Variants in YAE1 observed in about 807,000 individuals in gnomAD.
The protein encoded by YAE1 is YAE1 maturation factor of ABCE1.
A neutral mutation model predicts 23.0 loss-of-function variants in YAE1; 22 were observed. That is an observed-to-expected ratio of 0.96 (90% CI 0.68 to 1.37). The LOEUF (loss-of-function observed/expected upper bound fraction) is 1.37, where lower values mean the gene tolerates loss of function less well. YAE1 is among the 40% of genes most tolerant of loss of function. The pLI, the probability that YAE1 is intolerant of heterozygous loss-of-function variation, is 0.00. For missense variants in YAE1, 260 were observed against 262.1 expected (o/e 0.99, Z 0.06); for synonymous variants, 101 against 97.0 (o/e 1.04, Z -0.24).
rs56303591 is a variant in YAE1, at chr7:39,593,177, C to CTTTTTTTTTTTTTTTTTTT, written c.252-16433_252-16415dup. ...CTCTATAATTTCCATTTGGTTATTTCTTTTTTTTTTTTTTTTTTTTTTTTT... is the reference window on the plus strand; with the variant it reads ...CTCTATAATTTCCATTTGGTTATTTCTTTTTTTTTTTTTTTTTTTTTTTTTTTTTTTTTTTTTTTTTTTT... On this transcript the variant is annotated intron_variant, in intron 2 of 2. Coordinates refer to the YAE1 transcript ENST00000432096. Among the ~76,000 whole-genome samples the CTTTTTTTTTTTTTTTTTTT allele has an allele frequency of 3.2e-4, 23 of 72,112 alleles. 3 individuals are homozygous for CTTTTTTTTTTTTTTTTTTT. Among genetic ancestry groups the CTTTTTTTTTTTTTTTTTTT allele is most frequent in the South Asian group, 2.8e-3 (4 of 1,454 alleles). The allele number at this position is 72,112 out of a possible 152,430, so 47.3% of individuals were successfully genotyped here.
rs1790986047 is a variant in YAE1, at chr7:39,597,098, C to T, written c.252-12519C>T. ...CAGATTAGAAATACAAGGCTTGTCC[C>T]TTAAAGGAAATCATTTTTGAACTGT... is the stretch of plus-strand genomic sequence containing the variant. On this transcript the variant is annotated intron_variant, in intron 2 of 2. Transcript: ENST00000432096. Among the ~76,000 whole-genome samples the T allele has an allele frequency of 2.0e-5, 3 of 152,310 alleles. No homozygotes were observed. The South Asian group carries it at 6.2e-4, about 32-fold the overall frequency.
downstream of YAE1, among the ~76,000 whole-genome samples, chr7:39,576,941 C>T (rs1489939685): frequency 6.6e-6 from 1 of 152,214 alleles, no homozygotes; most frequent in African/African-American, 2.4e-5. Context: ...GTTGCCCAAG[C>T]TGGAGTGCAA....
At chr7:39,590,771 T>G (rs955557732) in intron 2 of YAE1, among the ~76,000 whole-genome samples, 2 of 152,196 alleles carry the variant, frequency 1.3e-5, no homozygotes, top group African/African-American at 2.4e-5. Flanking sequence ...ACTGAAAAGC[T>G]TTCAGATTTT....
chr7:39,594,295 C>T (rs1790946108), intron 2 of YAE1, among the ~76,000 whole-genome samples: 1 of 152,214 alleles, frequency 6.6e-6, no homozygotes, highest in Admixed American at 6.5e-5. Context: ...TTCTCCCTCA[C>T]ATTCCAGCTG....
chr7:39,585,470 G>A (rs527533376), intron 2 of YAE1, among the ~76,000 whole-genome samples: 47 of 152,238 alleles, frequency 3.1e-4, no homozygotes, highest in Non-Finnish European at 4.7e-4. Flanking sequence ...GCAAGCCAAG[G>A]AGAGGGGCCT....
rs563762360 is a variant in YAE1 at position 39,585,491 on chromosome 7, C to A, written c.251+14864C>A. Reference sequence around the variant, plus strand: ...CAAGGAGAGGGGCCTCAGAAAAAAACAAACCAGCTGACACCTTGATCTTGG... The same window carrying A: ...CAAGGAGAGGGGCCTCAGAAAAAAAAAAACCAGCTGACACCTTGATCTTGG... On this transcript the variant is annotated intron_variant, in intron 2 of 2. Transcript: ENST00000432096. 6.6e-5 allele frequency among the ~76,000 whole-genome samples: 10 copies of A among 152,242 alleles called. No homozygotes were observed. The South Asian group carries it at 1.9e-3, about 28-fold the overall frequency.
chr7:39,598,797 A>AG (rs1554292882), intron 2 of YAE1, among the ~76,000 whole-genome samples: 6 of 148,430 alleles, frequency 4.0e-5, no homozygotes, highest in Admixed American at 2.0e-4. Flanking sequence ...AAAAAAAAAA[A>AG]AAGAAGAAGA....
chr7:39,588,774 T>A (rs1475002909), intron 2 of YAE1, among the ~76,000 whole-genome samples: 1 of 152,134 alleles, frequency 6.6e-6, no homozygotes, highest in Non-Finnish European at 1.5e-5. Flanking sequence ...GAAATCACAC[T>A]TGATTTTAGA....
At chr7:39,575,537 G>GGAGAGAGAGAGAGAGGGAGAGAGA (rs1790638939), downstream of YAE1, among the ~76,000 whole-genome samples, 3 of 131,284 alleles carry the variant, frequency 2.3e-5, no homozygotes, top group South Asian at 2.8e-4. Flanking sequence ...CTAAGATACA[G>GGAGAGAGAGAGAGAGGGAGAGAGA]GAGAGAGAGA....
downstream of YAE1, among the ~76,000 whole-genome samples, chr7:39,576,471 T>G (rs1474344914): frequency 6.6e-6 from 1 of 152,212 alleles, no homozygotes; most frequent in Non-Finnish European, 1.5e-5. Flanking sequence ...CCATTCACCA[T>G]GCACACTACA....
rs1295416762 is a variant in YAE1 at position 39,604,126 on chromosome 7, T to C, written c.252-5491T>C. ...ATCAAGGATGCAGATTCTTTCAATA[T>C]GTTCCTCTGACATTTCCAGCTGAGA... On this transcript the variant is annotated intron_variant, in intron 2 of 2. Transcript: ENST00000432096. Among the ~76,000 whole-genome samples the C allele has an allele frequency of 2.0e-5, 3 of 152,236 alleles. No individual in the cohort carries two copies. In the East Asian group the frequency reaches 5.8e-4, roughly 29 times the overall value.
At chr7:39,610,333 A>G (rs1303965992), downstream of YAE1, 5 of 480,444 alleles carry the variant, frequency 1.0e-5, no homozygotes, top group Non-Finnish European at 2.0e-5. Context: ...CATGGTTGCT[A>G]TACATTTTTT....
intron 2 of YAE1, among the ~76,000 whole-genome samples, chr7:39,603,295 C>A (rs561886919): frequency 6.6e-6 from 1 of 152,162 alleles, no homozygotes; most frequent in Non-Finnish European, 1.5e-5. Context: ...CCCACCACCA[C>A]GCCGGGCTAA....
chr7:39,610,334 T>C, downstream of YAE1: 1 of 478,886 alleles, frequency 2.1e-6, no homozygotes, highest in Non-Finnish European at 4.1e-6. Context: ...ATGGTTGCTA[T>C]ACATTTTTTG....
At chr7:39,598,412 GTTT>G (rs3038990) in intron 2 of YAE1, among the ~76,000 whole-genome samples, 4 of 140,940 alleles carry the variant, frequency 2.8e-5, no homozygotes, top group Admixed American at 7.1e-5. Context: ...CCTGGGCCAA[GTTT>G]TTTTTTTTTT....
chr7:39,575,575 A>AGAGAGAGAGAGT (rs1339594299), downstream of YAE1, among the ~76,000 whole-genome samples: 23 of 81,708 alleles, frequency 2.8e-4, no homozygotes, highest in African/African-American at 8.8e-4. Context: ...AGAGAGAGAG[A>AGAGAGAGAGAGT]GAGTGAGTGT....
At chr7:39,574,020 G>A (rs1237276889), downstream of YAE1, among the ~76,000 whole-genome samples, 1 of 152,202 alleles carries the variant, frequency 6.6e-6, no homozygotes, top group Non-Finnish European at 1.5e-5. Flanking sequence ...ATTATAAGCA[G>A]CCTCTAAAGT....
intron 2 of YAE1, among the ~76,000 whole-genome samples, chr7:39,596,514 G>A (rs139437966): frequency 5.3e-5 from 8 of 152,196 alleles, no homozygotes; most frequent in African/African-American, 1.9e-4. Context: ...TAGGATTACA[G>A]GCATGAGCCA....
chr7:39,570,112 G>A (rs909011704), intron 1 of YAE1: 9 of 975,282 alleles, frequency 9.2e-6, no homozygotes, highest in Non-Finnish European at 1.1e-5. Context: ...TGCGTACGTT[G>A]CTCTGCCGCC....
Sources: allele counts gnomAD v4.1 joint callset (sites outside exome capture counted in the v4.1 genomes callset), GRCh38; gene constraint gnomAD v4.1.1; transcripts MANE v1.5; gene names NCBI Gene and HGNC (gene_info 2026-07-23, HGNC 2026-07-21).